GGA3: variants seen among roughly 807,000 people sequenced by gnomAD.
GGA3 encodes ADP-ribosylation factor-binding protein GGA3.
GGA3 carries 57 observed loss-of-function variants against 77.5 expected under a neutral mutation model. That is an observed-to-expected ratio of 0.74 (90% confidence interval 0.59 to 0.92). The LOEUF (loss-of-function observed/expected upper bound fraction) is 0.92, where lower values mean the gene tolerates loss of function less well. Ranked by LOEUF, GGA3 falls within the 40% of genes least tolerant of loss-of-function variation. The pLI is 0.00. For missense variants in GGA3, 970 were observed against 914.9 expected (o/e 1.06, Z -0.78); for synonymous variants, 416 against 383.7 (o/e 1.08, Z -0.98).
chr17:75,238,841 C>G (rs2076415671), intron 15 of GGA3, 73 bp downstream of exon 15: 1 of 1,574,654 alleles, frequency 6.4e-7, no homozygotes, highest in Admixed American at 1.7e-5. Context: ...CACACTGCCA[C>G]CTGCTGGCTG....
At chr17:75,258,825 GTTTT>G (rs141849647) in intron 1 of GGA3, among the ~76,000 whole-genome samples, 1 of 148,538 alleles carries the variant, frequency 6.7e-6, no homozygotes, top group African/African-American at 2.5e-5. Context: ...ACCATCTAGT[GTTTT>G]TTTTTTTCCA....
chr17:75,239,518 G>A lies in GGA3; in HGVS notation c.1637C>T (p.Pro546Leu). The A allele has an allele frequency of 6.4e-7, 1 of 1,570,358 alleles. No homozygotes were observed. The highest frequency in any genetic ancestry group is 8.6e-7 in the Non-Finnish European group (1 of 1,161,388). ...TTSPLIPTTT[P>L]ARPLLPFSTG... ...GGAGAAGGGCAGGAGGGGCCTGGCT[G>A]GGGTGGTGGTGGGGATGAGAGGGGA... Residue 546 changes from proline (P) to leucine (L), a missense_variant, in exon 14 of 17, where the codon CCA becomes CTA. By Grantham distance (98) the Pro-to-Leu change is moderately conservative. Transcript: ENST00000537686.
At chr17:75,262,323 G>A, upstream of GGA3, 1 of 763,070 alleles carries the variant, frequency 1.3e-6, no homozygotes. Flanking sequence ...CGCCTGCTTG[G>A]GGAATGTCCT....
chr17:75,246,732 C>A lies in GGA3; in HGVS notation c.105G>T (p.Gln35His). 6.2e-7 allele frequency: 1 copy of A among 1,613,982 alleles called. No individual in the cohort carries two copies. Among genetic ancestry groups the A allele is most frequent in the Non-Finnish European group, 8.5e-7 (1 of 1,179,888 alleles). ...DWEYIIGFCD[Q>H]INKELEGPQI... ...CTCACCCTTCCAGCTCCTTGTTGAT[C>A]TGATCACAGAAGCCAATTATGTATT... is the stretch of plus-strand genomic sequence containing the variant. Residue 35 changes from glutamine to histidine, a missense_variant, in exon 2 of 17, where the codon CAG becomes CAT. Gln to His is a conservative substitution (Grantham distance 24, BLOSUM62 0). Coordinates refer to ENST00000537686, the MANE Select transcript of GGA3 (RefSeq NM_138619.4).
chr17:75,259,257 C>A (rs2077263702), intron 1 of GGA3, among the ~76,000 whole-genome samples: 1 of 152,156 alleles, frequency 6.6e-6, no homozygotes, highest in African/African-American at 2.4e-5. Context: ...ACTCCAGCAT[C>A]ACCTCCATCC....
At chr17:75,239,318 A>G in intron 14 of GGA3, 57 bp downstream of exon 14, 2 of 1,403,954 alleles carry the variant, frequency 1.4e-6, no homozygotes, top group Non-Finnish European at 1.9e-6. Context: ...CGCATGTCCT[A>G]CAGCTCCGTG....
At chr17:75,238,627 G>A (rs2076404922) in intron 16 of GGA3, 25 bp downstream of exon 16, 1 of 1,531,294 alleles carries the variant, frequency 6.5e-7, no homozygotes. Context: ...CTCAGGCTGG[G>A]ACCCCTGGGT....
Position 75,243,275 on chromosome 17 carries a change from G to A in GGA3, c.425-109C>T, listed in dbSNP as rs776215511. ...GATCAAGACCTGCAAAGGGTAGCAG[G>A]GTGGAGGGCAGGCTGCTACACCTTA... On this transcript the variant is annotated intron_variant, in intron 5 of 16. Coordinates refer to ENST00000537686, the MANE Select transcript of GGA3 (RefSeq NM_138619.4). 5 of 1,110,588 alleles carry A rather than the reference G, an allele frequency of 4.5e-6. No individual in the cohort carries two copies. In the Admixed American group the frequency reaches 8.3e-5, roughly 19 times the overall value. 68.8% of individuals were successfully genotyped at this position (1,110,588 alleles called of 1,614,324 possible).
chr17:75,243,777 G>A (rs2076658653), intron 4 of GGA3, among the ~76,000 whole-genome samples: 1 of 152,172 alleles, frequency 6.6e-6, no homozygotes, highest in Non-Finnish European at 1.5e-5. Flanking sequence ...TCTGTGGATA[G>A]GCAGGGGGCC....
At chr17:75,250,172 C>G (rs2076911708) in intron 1 of GGA3, among the ~76,000 whole-genome samples, 1 of 152,322 alleles carries the variant, frequency 6.6e-6, no homozygotes, top group South Asian at 2.1e-4. Context: ...CACACAGCCT[C>G]CCACCCACTC....
rs1159885923 is a variant in GGA3, at chr17:75,237,381, GGA to G, written c.*896_*897del. 23 of 1,077,366 alleles carry G rather than the reference GGA, an allele frequency of 2.1e-5. No homozygotes were observed. The highest frequency in any genetic ancestry group is 1.5e-4 in the South Asian group (11 of 74,692). 66.7% of individuals were successfully genotyped at this position (1,077,366 alleles called of 1,614,324 possible). A position where few individuals can be genotyped will look rare whatever the true frequency, so the allele number is the denominator to read the frequency against. On this transcript the variant is annotated 3_prime_UTR_variant, in exon 17 of 17. Transcript: ENST00000537686. ...CCACACCACATGCCATCTGGTGAGA[GGA>G]GAGGGAGGCCAAAGCAGTAGGATGT...
rs928141382 is a variant in GGA3, at chr17:75,242,700, G to A, written c.609+131C>T. 4.4e-6 allele frequency: 4 copies of A among 919,344 alleles called. No individual in the cohort carries two copies. In the African/African-American group the frequency reaches 6.5e-5, roughly 15 times the overall value. 56.9% of individuals were successfully genotyped at this position (919,344 alleles called of 1,614,324 possible). ...TATTGTGCTCCTCCTCCCACTCTCAGCCACCGGGGCACAGGTAGGGCAGCT... is the reference window on the plus strand; with the variant it reads ...TATTGTGCTCCTCCTCCCACTCTCAACCACCGGGGCACAGGTAGGGCAGCT... On this transcript the variant is annotated intron_variant, in intron 7 of 16. Transcript: ENST00000537686.
Position 75,246,740 on chromosome 17 carries a change from A to G in GGA3, c.97T>C (p.Cys33Arg). ...TCCAGCTCCTTGTTGATCTGATCAC[A>G]GAAGCCAATTATGTATTCCCAGTCC... ...QEDWEYIIGF[C>R]DQINKELEGP... The change falls in exon 2 of 17, where the codon TGT becomes CGT. Residue 33 changes from cysteine (C) to arginine (R), a missense_variant. Transcript: ENST00000537686. The G allele has an allele frequency of 6.2e-7, 1 of 1,614,028 alleles. No homozygotes were observed. Among genetic ancestry groups the G allele is most frequent in the Non-Finnish European group, 8.5e-7 (1 of 1,179,966 alleles).
At chr17:75,255,377 C>G (rs2077109774) in intron 1 of GGA3, among the ~76,000 whole-genome samples, 4 of 152,286 alleles carry the variant, frequency 2.6e-5, no homozygotes, top group Admixed American at 2.6e-4. Flanking sequence ...CTGACTATTC[C>G]TGGGTTACAG....
chr17:75,261,304 G>C (rs9906606), intron 1 of GGA3, among the ~76,000 whole-genome samples: 17,278 of 152,210 alleles, frequency 0.11, 2,770 homozygotes, highest in African/African-American at 0.35. Flanking sequence ...CCCGACAGGA[G>C]CCCGAGTTCA....
At chr17:75,248,226 C>T (rs566037232) in intron 1 of GGA3, among the ~76,000 whole-genome samples, 2 of 152,090 alleles carry the variant, frequency 1.3e-5, no homozygotes, top group East Asian at 3.9e-4. Context: ...AATCCCAGCA[C>T]TTTGGGAGGC....
In GGA3 at chr17:75,240,333, TGCCCCTACCTG is replaced by T; in HGVS notation, c.1261_1263+8del. The stretch of plus-strand genomic sequence containing the variant: ...CACAGTAGTGCTGTCACCGATCCTG[TGCCCCTACCTG>T]GAGCAGGTGCCACTGGCTGTTCCCA... On this transcript the variant is annotated splice_donor_variant and splice_donor_5th_base_variant and coding_sequence_variant and intron_variant, in exon 12 of 17. Transcript: ENST00000537686. LOFTEE classifies it high-confidence loss of function. 2 of 1,571,818 alleles carry T rather than the reference TGCCCCTACCTG, an allele frequency of 1.3e-6. No individual in the cohort carries two copies. Among genetic ancestry groups the T allele is most frequent in the Non-Finnish European group, 8.7e-7 (1 of 1,151,968 alleles).
intron 12 of GGA3, 34 bp from the exon 13 acceptor site, chr17:75,240,142 C>A: frequency 6.6e-6 from 2 of 301,864 alleles, no homozygotes; most frequent in Admixed American, 4.2e-5. Flanking sequence ...GAGCCGAGGG[C>A]GGGTGGGGAG....
At chr17:75,254,575 C>G (rs931207585) in intron 1 of GGA3, among the ~76,000 whole-genome samples, 3 of 152,272 alleles carry the variant, frequency 2.0e-5, no homozygotes, top group East Asian at 3.9e-4. Flanking sequence ...TCTCAATATA[C>G]GTTTTATTAC....
Sources: gnomAD v4.1 joint callset for allele counts (sites outside exome capture counted in the v4.1 genomes callset) on GRCh38, gnomAD v4.1.1 for gene constraint, MANE v1.5 for transcripts, NCBI Gene and HGNC (gene_info 2026-07-23, HGNC 2026-07-21) for gene names.